TMEM184A: variants seen among roughly 807,000 people sequenced by gnomAD.
TMEM184A encodes the protein sexually dimorphic, expressed in male gonads 1.
TMEM184A carries 40 observed loss-of-function variants against 39.5 expected under a neutral mutation model. The observed-to-expected ratio is 1.01, with a 90% confidence interval of 0.79 to 1.32. The LOEUF is 1.32. Among genes scored for constraint, TMEM184A ranks in the 40% most tolerant of loss-of-function variants. The probability of loss-of-function intolerance (pLI) is 0.00; values close to 1 mark genes in which losing one functional copy is unlikely to be tolerated. For missense variants in TMEM184A, 603 were observed against 568.8 expected (o/e 1.06, Z -0.61); for synonymous variants, 280 against 252.3 (o/e 1.11, Z -1.04).
intron 2 of TMEM184A, among the ~76,000 whole-genome samples, chr7:1,553,824 A>C (rs1223093665): frequency 6.6e-6 from 1 of 151,630 alleles, no homozygotes; most frequent in Non-Finnish European, 1.5e-5. Context: ...GGATCCAGCC[A>C]CTCTGTGTCC....
Position 1,549,905 on chromosome 7 carries a change from A to G in TMEM184A, c.593T>C (p.Val198Ala). Residue 198 changes from valine (V) to alanine (A), a missense_variant, in exon 6 of 9, where the codon GTC becomes GCC. Val to Ala is a moderately conservative substitution (Grantham distance 64). Coordinates refer to ENST00000297477, the MANE Select transcript of TMEM184A (RefSeq NM_001097620.2). Reference protein sequence around the residue: ...QFCLVKPVMAVTTIILQAFGK... With the variant: ...QFCLVKPVMAATTIILQAFGK... Reference sequence around the variant, plus strand: ...AAATGCCTGGAGGATGATGGTGGTGACGGCCATGACGGGCTTCACCAGGCA... The same window carrying G: ...AAATGCCTGGAGGATGATGGTGGTGGCGGCCATGACGGGCTTCACCAGGCA... The G allele has an allele frequency of 6.2e-7, 1 of 1,612,502 alleles. No homozygotes were observed. The highest frequency in any genetic ancestry group is 8.5e-7 in the Non-Finnish European group (1 of 1,179,426).
Position 1,546,913 on chromosome 7 carries a change from G to A in TMEM184A, c.*39C>T. 7.2e-7 allele frequency: 1 copy of A among 1,387,058 alleles called. No individual in the cohort carries two copies. Among genetic ancestry groups the A allele is most frequent in the Non-Finnish European group, 9.6e-7 (1 of 1,042,718 alleles). 85.9% of individuals were successfully genotyped at this position (1,387,058 alleles called of 1,614,324 possible). On this transcript the variant is annotated 3_prime_UTR_variant, in exon 9 of 9. Transcript: ENST00000297477. ...ACCCTGTTCTTCCCCAGAGGCCTGG[G>A]CAGCCTGGGTCCCTACAGCACTGGC...
Position 1,547,016 on chromosome 7 carries a change from G to A in TMEM184A, c.1178C>T (p.Ser393Phe), listed in dbSNP as rs769573814. 7.5e-6 allele frequency: 11 copies of A among 1,471,574 alleles called. 2 individuals are homozygous for A. The South Asian group carries it at 1.3e-4, about 18-fold the overall frequency. The allele number at this position is 1,471,574 out of a possible 1,614,324, so 91.2% of individuals were successfully genotyped here. A position where few individuals can be genotyped will look rare whatever the true frequency, so the allele number is the denominator to read the frequency against. Reference protein sequence around the residue: ...PRPGTHPSGGSGGSRKSRSLE... With the variant: ...PRPGTHPSGGFGGSRKSRSLE... ...GCTCCGGCTCTTCCTGCTCCCGCCG[G>A]AGCCGCCGCTGGGGTGGGTGCCGGG... The change falls in exon 9 of 9, where the codon TCC (serine) becomes TTC (phenylalanine). Residue 393 changes from serine to phenylalanine, a missense_variant. Coordinates refer to ENST00000297477, the MANE Select transcript of TMEM184A (RefSeq NM_001097620.2).
In TMEM184A at chr7:1,555,158, C is replaced by G; in HGVS notation, c.219+108G>C. ...CTCCCCCGTGCCCTGGCCGATCCCA[C>G]TTCTGACAGCGTCTATAGCAGCGGC... is the stretch of plus-strand genomic sequence containing the variant. On this transcript the variant is annotated intron_variant, in intron 2 of 8. Transcript: ENST00000297477. The surrounding 1 kb of genome is among the most constrained non-coding windows in gnomAD (Gnocchi z 5.2). The G allele has an allele frequency of 1.0e-6, 1 of 958,568 alleles. No individual in the cohort carries two copies. Among genetic ancestry groups the G allele is most frequent in the South Asian group, 1.8e-5 (1 of 54,852 alleles). 59.4% of individuals were successfully genotyped at this position (958,568 alleles called of 1,614,324 possible).
chr7:1,548,828 T>G (rs1178450783), intron 6 of TMEM184A, 140 bp from the exon 7 acceptor site: 3 of 1,024,566 alleles, frequency 2.9e-6, no homozygotes, highest in East Asian at 2.6e-5. Context: ...CCTGCCCCGA[T>G]CTGATCCTCA....
In TMEM184A at chr7:1,543,162, C is replaced by G. The variant is rs959990190; in HGVS notation, c.*3790G>C. On this transcript the variant is annotated 3_prime_UTR_variant, in exon 9 of 9. Coordinates refer to ENST00000297477, the MANE Select transcript of TMEM184A (RefSeq NM_001097620.2). ...CACCGGGGTCAGGATCCGGGCACTACGTGTAAGTGGCTTTCCCGGACTGCT... is the reference window on the plus strand; with the variant it reads ...CACCGGGGTCAGGATCCGGGCACTAGGTGTAAGTGGCTTTCCCGGACTGCT... 6.6e-6 allele frequency: 1 copy of G among 152,162 alleles called. No homozygotes were observed. The allele number at this position is 152,162 out of a possible 1,614,324, so 9.4% of individuals were successfully genotyped here.
intron 3 of TMEM184A, 143 bp downstream of exon 3, chr7:1,550,674 T>G: frequency 8.9e-7 from 1 of 1,119,470 alleles, no homozygotes; most frequent in Non-Finnish European, 1.3e-6. Context: ...CCAGCGCCGC[T>G]AACCCTGACT....
chr7:1,555,500 G>A lies in TMEM184A; in HGVS notation c.1-16C>T. ...CATTACTCATCTGCAGAGGGAGGGA[G>A]GACACACACCGGGAGGAGTGAGGGC... On this transcript the variant is annotated splice_polypyrimidine_tract_variant and intron_variant, in intron 1 of 8. Transcript: ENST00000297477. The surrounding 1 kb of genome is among the most constrained non-coding windows in gnomAD (Gnocchi z 5.2). 1.3e-6 allele frequency: 2 copies of A among 1,593,512 alleles called. No homozygotes were observed. Among genetic ancestry groups the A allele is most frequent in the Non-Finnish European group, 1.7e-6 (2 of 1,173,076 alleles).
chr7:1,550,037 A>G (rs954380523), intron 5 of TMEM184A, 86 bp downstream of exon 5: 2 of 1,544,798 alleles, frequency 1.3e-6, no homozygotes, highest in Non-Finnish European at 1.8e-6. Context: ...CAGCCCCCTG[A>G]CACTGGGTGG....
In TMEM184A at chr7:1,546,697, G is replaced by C; in HGVS notation, c.*255C>G. On this transcript the variant is annotated 3_prime_UTR_variant, in exon 9 of 9. Coordinates refer to ENST00000297477, the MANE Select transcript of TMEM184A (RefSeq NM_001097620.2). ...TGGGGCTGATGGCTGGGTGATCCCAGGGGGTCCCCAGGCTCTTCCGATTGG... is the reference window on the plus strand; with the variant it reads ...TGGGGCTGATGGCTGGGTGATCCCACGGGGTCCCCAGGCTCTTCCGATTGG... The C allele has an allele frequency of 2.2e-6, 1 of 447,568 alleles. No homozygotes were observed. Among genetic ancestry groups the C allele is most frequent in the Non-Finnish European group, 3.9e-6 (1 of 254,082 alleles). 27.7% of individuals were successfully genotyped at this position (447,568 alleles called of 1,614,324 possible).
intron 8 of TMEM184A, among the ~76,000 whole-genome samples, 173 bp from the exon 9 acceptor site, chr7:1,547,354 C>T (rs938138832): frequency 2.6e-5 from 4 of 152,070 alleles, no homozygotes; most frequent in African/African-American, 9.7e-5. Flanking sequence ...CACCCAGCAC[C>T]GGGCCCGTCC....
chr7:1,551,789 T>A (rs183019336), intron 2 of TMEM184A, among the ~76,000 whole-genome samples: 2 of 151,936 alleles, frequency 1.3e-5, no homozygotes, highest in East Asian at 3.9e-4. Context: ...ACACAAAAAT[T>A]AGCCAGGCAT....
chr7:1,554,343 C>T (rs1419342763), intron 2 of TMEM184A, among the ~76,000 whole-genome samples: 1 of 152,146 alleles, frequency 6.6e-6, no homozygotes, highest in East Asian at 1.9e-4. Context: ...CCTACAGATC[C>T]ATTCCCTACA....
Position 1,550,118 on chromosome 7 carries a change from C to A in TMEM184A, c.552+5G>T. ...GAGGGCGGGCAGGGCTGGGTGGCCC[C>A]TCACCTGCTTACAGAAGCGCAGGAA... On this transcript the variant is annotated splice_donor_5th_base_variant and intron_variant, in intron 5 of 8. Coordinates refer to ENST00000297477, the MANE Select transcript of TMEM184A (RefSeq NM_001097620.2). 1 of 1,599,444 alleles carries A rather than the reference C, an allele frequency of 6.3e-7. No individual in the cohort carries two copies. The highest frequency in any genetic ancestry group is 2.3e-5 in the East Asian group (1 of 44,128).
rs1018393529 is a variant in TMEM184A at position 1,544,204 on chromosome 7, G to A, written c.*2748C>T. 2 of 152,162 alleles carry A rather than the reference G, an allele frequency of 1.3e-5. No individual in the cohort carries two copies. The highest frequency in any genetic ancestry group is 3.9e-4 in the East Asian group (2 of 5,188). The allele number at this position is 152,162 out of a possible 1,614,324, so 9.4% of individuals were successfully genotyped here. A position where few individuals can be genotyped will look rare whatever the true frequency, so the allele number is the denominator to read the frequency against. On this transcript the variant is annotated 3_prime_UTR_variant, in exon 9 of 9. Transcript: ENST00000297477. ...GGGGGAGCCGACGGGTGTGAGTTGG[G>A]GGCACAGAGCCCCAGCCCTGTGTGG...
rs778844659 is a variant in TMEM184A at position 1,547,142 on chromosome 7, C to A, written c.1052G>T (p.Arg351Met). The change falls in exon 9 of 9, where the codon AGG becomes ATG. Residue 351 changes from arginine to methionine, a missense_variant. By Grantham distance (91) the Arg-to-Met change is moderately conservative. Transcript: ENST00000297477. ...GATGTCCTGGGGGCTCACTGTCTCC[C>A]TGATGCCGCTGGAGATGCTCTGCAT... Reference protein sequence around the residue: ...APMQSISSGIRETVSPQDIVQ... With the variant: ...APMQSISSGIMETVSPQDIVQ... 6.2e-6 allele frequency: 10 copies of A among 1,608,444 alleles called. No homozygotes were observed. The Admixed American group carries it at 1.7e-4, about 27-fold the overall frequency.
In TMEM184A at chr7:1,544,930, C is replaced by G. The variant is rs1441878794; in HGVS notation, c.*2022G>C. The G allele has an allele frequency of 1.3e-5, 2 of 152,284 alleles. No homozygotes were observed. Among genetic ancestry groups the G allele is most frequent in the African/African-American group, 4.8e-5 (2 of 41,462 alleles). The allele number at this position is 152,284 out of a possible 1,614,324, so 9.4% of individuals were successfully genotyped here. A position where few individuals can be genotyped will look rare whatever the true frequency, so the allele number is the denominator to read the frequency against. On this transcript the variant is annotated 3_prime_UTR_variant, in exon 9 of 9. Transcript: ENST00000297477. ...CTGACTTCTCCCCTGTCCTAAAGTG[C>G]AGGCCTGAGGTGTTGCTGACATAGG... is the stretch of plus-strand genomic sequence containing the variant.
rs759446802 is a variant in TMEM184A at position 1,555,492 on chromosome 7, G to T, written c.1-8C>A. Reference sequence around the variant, plus strand: ...CCCTGAGACATTACTCATCTGCAGAGGGAGGGAGGACACACACCGGGAGGA... The same window carrying T: ...CCCTGAGACATTACTCATCTGCAGATGGAGGGAGGACACACACCGGGAGGA... On this transcript the variant is annotated splice_region_variant and splice_polypyrimidine_tract_variant and intron_variant, in intron 1 of 8. Coordinates refer to ENST00000297477, the MANE Select transcript of TMEM184A (RefSeq NM_001097620.2). This position sits in a 1 kb window ranked among gnomAD's most constrained non-coding sequence, Gnocchi z 5.2. The T allele has an allele frequency of 1.4e-5, 22 of 1,599,742 alleles. No individual in the cohort carries two copies. In the South Asian group the frequency reaches 1.8e-4, roughly 13 times the overall value.
chr7:1,553,924 C>T (rs1778441455), intron 2 of TMEM184A, among the ~76,000 whole-genome samples: 1 of 152,126 alleles, frequency 6.6e-6, no homozygotes, highest in African/African-American at 2.4e-5. Flanking sequence ...TCTCCATGAG[C>T]CCTGTCTTGA....
Sources: gnomAD v4.1 joint callset for allele counts (sites outside exome capture counted in the v4.1 genomes callset) on GRCh38, gnomAD v4.1.1 for gene constraint, Gnocchi (gnomAD v3.1) non-coding constraint, MANE v1.5 for transcripts, NCBI Gene and HGNC (gene_info 2026-07-23, HGNC 2026-07-21) for gene names.